The following PCDHGB3 variants were observed in gnomAD, a reference collection of about 807,000 sequenced individuals.
The protein encoded by PCDHGB3 is protocadherin gamma subfamily B, 3.
In PCDHGB3, 40 loss-of-function variants were observed where a neutral mutation model predicts 59.2. The ratio of observed to expected loss-of-function variants is 0.68; its 90% CI spans 0.52 to 0.88. The LOEUF is 0.88. Among genes scored for constraint, PCDHGB3 ranks in the 40% least tolerant of loss-of-function variants. The pLI, the probability that PCDHGB3 is intolerant of heterozygous loss-of-function variation, is 0.00. For synonymous variants in PCDHGB3, 581 were observed against 503.6 expected (o/e 1.15, Z -2.06); for missense variants, 1,309 against 1,187.9 (o/e 1.10, Z -1.50).
At chr5:141,488,913 A>G (rs887938731) in intron 1 of PCDHGB3, among the ~76,000 whole-genome samples, 4 of 152,196 alleles carry the variant, frequency 2.6e-5, no homozygotes, top group African/African-American at 7.2e-5. Flanking sequence ...TGTGTTCCCA[A>G]GGTTTCCAGG....
chr5:141,449,588 CAAA>C (rs768743917), intron 1 of PCDHGB3, among the ~76,000 whole-genome samples: 1 of 57,486 alleles, frequency 1.7e-5, no homozygotes, highest in Non-Finnish European at 3.7e-5. Context: ...GACTCTGTCT[CAAA>C]AAAAAAAAAA....
intron 1 of PCDHGB3, among the ~76,000 whole-genome samples, chr5:141,397,240 T>C (rs1291416263): frequency 6.6e-6 from 1 of 152,176 alleles, no homozygotes; most frequent in Non-Finnish European, 1.5e-5. Flanking sequence ...AAGAGCAACG[T>C]AGTAGGGTAT....
At position 141,413,788 on chromosome 5, in the gene PCDHGB3, G is replaced by A. The variant is rs2095678300; in HGVS notation, c.2415+40979G>A. The A allele has an allele frequency of 2.1e-5, 34 of 1,613,166 alleles. No individual in the cohort carries two copies. Among genetic ancestry groups the A allele is most frequent in the Non-Finnish European group, 2.8e-5 (33 of 1,179,876 alleles). ...GGAGCTGGTACTGGAGCACTCCCTA[G>A]ATCGCGAGGAAGAGGCCATTCACCA... is the stretch of plus-strand genomic sequence containing the variant. On this transcript the variant is annotated intron_variant, in intron 1 of 3. Coordinates refer to ENST00000576222, the MANE Select transcript of PCDHGB3 (RefSeq NM_018924.5).
Position 141,374,612 on chromosome 5 carries a change from C to T in PCDHGB3, c.2415+1803C>T. The T allele has an allele frequency of 1.9e-6, 3 of 1,613,552 alleles. 1 individual carries two copies. The highest frequency in any genetic ancestry group is 1.1e-5 in the South Asian group (1 of 91,056). On this transcript the variant is annotated intron_variant, in intron 1 of 3. Transcript: ENST00000576222. ...GGGATTTAAGCTCAGTGGTAATAGT[C>T]ACTTCTCAGTGGACGTGCAAAGCGA...
In PCDHGB3 at chr5:141,432,085, G is replaced by A. The variant is rs144065251; in HGVS notation, c.2415+59276G>A. 2.2e-4 allele frequency: 353 copies of A among 1,614,164 alleles called. 1 individual carries two copies. The African/African-American group carries it at 4.2e-3, about 19-fold the overall frequency. ...CGGAAACTCATATCTCGCTGAACGT[G>A]GCAGACACCAACGACAACCCGCCGG... On this transcript the variant is annotated intron_variant, in intron 1 of 3. Transcript: ENST00000576222. This position sits in a 1 kb window ranked among gnomAD's most constrained non-coding sequence, Gnocchi z 6.0.
At chr5:141,408,765 G>A (rs1276364659) in intron 1 of PCDHGB3, 1 of 1,611,036 alleles carries the variant, frequency 6.2e-7, no homozygotes, top group East Asian at 2.2e-5. Context: ...AATTCCGATG[G>A]TGGCAAATAC....
intron 1 of PCDHGB3, chr5:141,421,947 C>T: frequency 6.2e-7 from 1 of 1,613,118 alleles, no homozygotes; most frequent in African/African-American, 1.3e-5. Context: ...ATGATCACAT[C>T]CCAATGTTTA....
intron 1 of PCDHGB3, among the ~76,000 whole-genome samples, chr5:141,462,029 G>A (rs535977332): frequency 6.6e-6 from 1 of 152,260 alleles, no homozygotes; most frequent in East Asian, 1.9e-4. Context: ...CTTCATGTTG[G>A]TCAGGCGGGT....
Position 141,487,650 on chromosome 5 carries a change from G to A in PCDHGB3, c.2416-7157G>A. On this transcript the variant is annotated intron_variant, in intron 1 of 3. Transcript: ENST00000576222. The surrounding 1 kb of genome is among the most constrained non-coding windows in gnomAD (Gnocchi z 5.0). ...TTGCAGGCTCAACAAATGCTTGAGGGTTATTCTGATCCAGGCATATGGCTA... is the reference window on the plus strand; with the variant it reads ...TTGCAGGCTCAACAAATGCTTGAGGATTATTCTGATCCAGGCATATGGCTA... 1 of 1,613,994 alleles carries A rather than the reference G, an allele frequency of 6.2e-7. No individual in the cohort carries two copies. Among genetic ancestry groups the A allele is most frequent in the Non-Finnish European group, 8.5e-7 (1 of 1,179,954 alleles).
At chr5:141,473,501 G>C (rs1053399138) in intron 1 of PCDHGB3, among the ~76,000 whole-genome samples, 7 of 152,188 alleles carry the variant, frequency 4.6e-5, no homozygotes, top group African/African-American at 1.7e-4. Context: ...GGTGTTCTGA[G>C]AGAGCATAAC....
Position 141,486,219 on chromosome 5 carries a change from A to G in PCDHGB3, c.2416-8588A>G. 1 of 1,614,134 alleles carries G rather than the reference A, an allele frequency of 6.2e-7. No individual in the cohort carries two copies. Among genetic ancestry groups the G allele is most frequent in the African/African-American group, 1.3e-5 (1 of 75,042 alleles). ...CTGGACGTAAATGACAATGCCCCTT[A>G]CATCACAGTGACCTCAGAGCTTGGA... On this transcript the variant is annotated intron_variant, in intron 1 of 3. Transcript: ENST00000576222. This position sits in a 1 kb window ranked among gnomAD's most constrained non-coding sequence, Gnocchi z 5.0.
At chr5:141,376,685 T>TTTTGTTTTG (rs945381584) in intron 1 of PCDHGB3, 1 of 813,646 alleles carries the variant, frequency 1.2e-6, no homozygotes, top group African/African-American at 1.9e-5. Flanking sequence ...CGTTTTTTTT[T>TTTTGTTTTG]TTTTTTTTTT....
intron 1 of PCDHGB3, among the ~76,000 whole-genome samples, chr5:141,472,437 G>A (rs1332528325): frequency 6.6e-6 from 1 of 152,116 alleles, no homozygotes; most frequent in Non-Finnish European, 1.5e-5. Flanking sequence ...CTACTAGGGA[G>A]GCTGAGGCAG....
At chr5:141,433,257 G>C (rs764036349) in intron 1 of PCDHGB3, 3 of 1,385,416 alleles carry the variant, frequency 2.2e-6, no homozygotes, top group Non-Finnish European at 3.0e-6. Flanking sequence ...GCAGCGGTAC[G>C]ATCATAGCTC....
chr5:141,384,941 C>A lies in PCDHGB3; in HGVS notation c.2415+12132C>A, dbSNP rs748067928. Reference sequence around the variant, plus strand: ...GCCGACCTGGGCAGCCTTGAGCCCTCCGACGGTCCTTACAACTATGACCTC... The same window carrying A: ...GCCGACCTGGGCAGCCTTGAGCCCTACGACGGTCCTTACAACTATGACCTC... On this transcript the variant is annotated intron_variant, in intron 1 of 3. Transcript: ENST00000576222. 2.5e-6 allele frequency: 4 copies of A among 1,614,104 alleles called. No homozygotes were observed. The highest frequency in any genetic ancestry group is 3.4e-6 in the Non-Finnish European group (4 of 1,180,022).
chr5:141,388,480 C>T (rs751470350), intron 1 of PCDHGB3: 3 of 1,613,758 alleles, frequency 1.9e-6, no homozygotes, highest in Non-Finnish European at 2.5e-6. Flanking sequence ...TTGAAGACAC[C>T]TTTGGACAGA....
chr5:141,429,314 C>A (rs1463397731), intron 1 of PCDHGB3, among the ~76,000 whole-genome samples: 2 of 151,722 alleles, frequency 1.3e-5, no homozygotes, highest in Admixed American at 6.6e-5. Flanking sequence ...GTATATAAGG[C>A]TTTTTCTTTA....
chr5:141,468,820 C>G (rs1055751689), intron 1 of PCDHGB3, among the ~76,000 whole-genome samples: 1 of 151,830 alleles, frequency 6.6e-6, no homozygotes, highest in Non-Finnish European at 1.5e-5. Context: ...GAGCCAAGAT[C>G]AAGCCACTGC....
rs530194567 is a variant in PCDHGB3, at chr5:141,417,884, C to G, written c.2415+45075C>G. On this transcript the variant is annotated intron_variant, in intron 1 of 3. Transcript: ENST00000576222. ...GATGGGAGGGAGCTGCGCGCAGAGG[C>G]GCCGGGCCGGCCCGCGGCAGGTACT... 2.1e-4 allele frequency: 327 copies of G among 1,561,600 alleles called. No individual in the cohort carries two copies. In the South Asian group the frequency reaches 3.4e-3, roughly 16 times the overall value.
Sources: gnomAD v4.1 joint callset for allele counts (sites outside exome capture counted in the v4.1 genomes callset) on GRCh38, gnomAD v4.1.1 for gene constraint, Gnocchi (gnomAD v3.1) non-coding constraint, MANE v1.5 for transcripts, NCBI Gene and HGNC (gene_info 2026-07-23, HGNC 2026-07-21) for gene names.